PLXDC1: variants seen among roughly 807,000 people sequenced by gnomAD.
PLXDC1 encodes the protein plexin domain-containing protein 1.
PLXDC1 carries 39 observed loss-of-function variants against 61.3 expected under a neutral mutation model. The observed-to-expected ratio is 0.64, with a 90% CI of 0.49 to 0.83. PLXDC1 has a LOEUF of 0.83. PLXDC1 is among the 40% of genes least tolerant of loss of function. PLXDC1 has a pLI of 0.00. For missense variants in PLXDC1, 596 were observed against 666.5 expected, an observed-to-expected ratio of 0.89 and a Z score of 1.17; for synonymous variants, 212 against 254.5, an observed-to-expected ratio of 0.83 and a Z score of 1.59.
At chr17:39,122,839 A>G (rs1415977484) in intron 2 of PLXDC1, among the ~76,000 whole-genome samples, 1 of 152,234 alleles carries the variant, frequency 6.6e-6, no homozygotes. Context: ...ATGGATTTCA[A>G]ACATTTTTGG....
Position 39,151,084 on chromosome 17 carries a change from G to T in PLXDC1, c.76+278C>A, listed in dbSNP as rs1180310506. The stretch of plus-strand genomic sequence containing the variant: ...CCGCTGTCCCCTTTCAGAGCCCATG[G>T]CCACATAGAGCCCCCTCTCCTAAGG... On this transcript the variant is annotated intron_variant, in intron 1 of 13. Coordinates refer to ENST00000315392, the MANE Select transcript of PLXDC1 (RefSeq NM_020405.5). The surrounding 1 kb of genome is among the most constrained non-coding windows in gnomAD (Gnocchi z 5.2). Among the ~76,000 whole-genome samples the T allele has an allele frequency of 2.6e-5, 4 of 152,118 alleles. No homozygotes were observed. Among genetic ancestry groups the T allele is most frequent in the Admixed American group, 1.3e-4 (2 of 15,280 alleles).
intron 2 of PLXDC1, among the ~76,000 whole-genome samples, chr17:39,117,313 A>G (rs1911004686): frequency 6.6e-6 from 1 of 152,198 alleles, no homozygotes; most frequent in Non-Finnish European, 1.5e-5. Context: ...GATGCTAAAC[A>G]GCTTCCACCT....
At chr17:39,114,121 T>G (rs1366659614) in intron 2 of PLXDC1, among the ~76,000 whole-genome samples, 3 of 152,146 alleles carry the variant, frequency 2.0e-5, no homozygotes, top group Non-Finnish European at 2.9e-5. Context: ...ACCCTAAGGA[T>G]GGTGAAGTGG....
chr17:39,150,587 T>C (rs1310000008), intron 1 of PLXDC1, among the ~76,000 whole-genome samples: 1 of 152,234 alleles, frequency 6.6e-6, no homozygotes, highest in Admixed American at 6.5e-5. Context: ...CAGGTAGATC[T>C]CAGAAAGGAC....
chr17:39,113,068 G>T (rs1034764903), intron 2 of PLXDC1: 1 of 152,154 alleles, frequency 6.6e-6, no homozygotes, highest in Non-Finnish European at 1.5e-5. Context: ...TCCAATGACC[G>T]GTGTCTTTAT....
intron 7 of PLXDC1, among the ~76,000 whole-genome samples, chr17:39,098,800 C>T (rs142370726): frequency 1.2e-3 from 175 of 152,142 alleles, no homozygotes; most frequent in Middle Eastern, 3.4e-3. Flanking sequence ...TGTGTCATAC[C>T]GATGTGGACA....
intron 2 of PLXDC1, among the ~76,000 whole-genome samples, chr17:39,132,315 T>G (rs978516294): frequency 6.6e-6 from 1 of 151,876 alleles, no homozygotes; most frequent in Non-Finnish European, 1.5e-5. Context: ...CATCCCAGGA[T>G]CTCTGACTCA....
chr17:39,087,760 C>G, intron 7 of PLXDC1, 58 bp from the exon 8 acceptor site: 1 of 1,283,348 alleles, frequency 7.8e-7, no homozygotes, highest in Non-Finnish European at 1.1e-6. Flanking sequence ...GGCATCGAGG[C>G]CTCTTCCCGG....
chr17:39,094,795 A>G (rs1162910191), intron 7 of PLXDC1, among the ~76,000 whole-genome samples: 1 of 152,066 alleles, frequency 6.6e-6, no homozygotes, highest in African/African-American at 2.4e-5. Flanking sequence ...TCCCCAGCCC[A>G]CCACAAATTA....
chr17:39,150,572 G>A (rs954497242), intron 1 of PLXDC1, among the ~76,000 whole-genome samples: 1 of 152,168 alleles, frequency 6.6e-6, no homozygotes, highest in Non-Finnish European at 1.5e-5. Flanking sequence ...TACCATGAGG[G>A]ATTCCAGGTA....
intron 10 of PLXDC1, 116 bp from the exon 11 acceptor site, chr17:39,078,164 G>A (rs1414624017): frequency 1.9e-6 from 2 of 1,037,814 alleles, no homozygotes; most frequent in East Asian, 2.6e-5. Flanking sequence ...CCTTCCTCAA[G>A]GAAGGGGCTG....
intron 2 of PLXDC1, among the ~76,000 whole-genome samples, chr17:39,135,499 A>T (rs1219101983): frequency 6.6e-6 from 1 of 152,140 alleles, no homozygotes; most frequent in South Asian, 2.1e-4. Flanking sequence ...CAACATGGTG[A>T]AACCCCATCT....
At chr17:39,088,792 TAC>T (rs1909834936) in intron 7 of PLXDC1, among the ~76,000 whole-genome samples, 1 of 151,076 alleles carries the variant, frequency 6.6e-6, no homozygotes, top group African/African-American at 2.4e-5. Context: ...CTACTAAAAA[TAC>T]AAAAATTAGC....
At chr17:39,112,787 T>C (rs545865256) in intron 2 of PLXDC1, among the ~76,000 whole-genome samples, 2 of 152,244 alleles carry the variant, frequency 1.3e-5, no homozygotes, top group East Asian at 1.9e-4. Context: ...TTGCAATGTG[T>C]TAAAATTAGG....
intron 2 of PLXDC1, among the ~76,000 whole-genome samples, chr17:39,128,089 C>CATA (rs1221469686): frequency 0.078 from 5,368 of 68,444 alleles, 450 homozygotes; most frequent in Middle Eastern, 0.24. Context: ...CTCTCTCTCT[C>CATA]TCTATGTGTA....
intron 11 of PLXDC1, 31 bp downstream of exon 11, chr17:39,077,882 T>C: frequency 6.2e-7 from 1 of 1,613,080 alleles, no homozygotes; most frequent in Non-Finnish European, 8.5e-7. Context: ...CCTGGCCTCC[T>C]CTCTGCTCCC....
intron 7 of PLXDC1, among the ~76,000 whole-genome samples, chr17:39,098,626 GAAA>G (rs1910309140): frequency 1.3e-5 from 2 of 152,084 alleles, no homozygotes; most frequent in Admixed American, 1.3e-4. Flanking sequence ...AGAAGAAGAA[GAAA>G]AAAGTATCAG....
At chr17:39,090,887 GT>G (rs1909923286) in intron 7 of PLXDC1, among the ~76,000 whole-genome samples, 1 of 148,850 alleles carries the variant, frequency 6.7e-6, no homozygotes, top group South Asian at 2.1e-4. Flanking sequence ...TTCTCCCTCT[GT>G]CTCTCTCTCT....
At chr17:39,136,478 C>A (rs1911756156) in intron 2 of PLXDC1, among the ~76,000 whole-genome samples, 1 of 152,070 alleles carries the variant, frequency 6.6e-6, no homozygotes, top group Non-Finnish European at 1.5e-5. Context: ...CAACTCCTGG[C>A]CTCAAGGGAT....
Sources: allele counts gnomAD v4.1 joint callset (sites outside exome capture counted in the v4.1 genomes callset), GRCh38; gene constraint gnomAD v4.1.1; non-coding constraint Gnocchi (gnomAD v3.1); transcripts MANE v1.5; gene names NCBI Gene and HGNC (gene_info 2026-07-23, HGNC 2026-07-21).